The following THSD7B variants were observed in gnomAD, a reference collection of about 807,000 sequenced individuals.
THSD7B encodes the protein thrombospondin type 1 domain containing 7B, also known as thrombospondin type-1 domain-containing protein 7B.
THSD7B carries 138 observed loss-of-function variants against 213.6 expected under a neutral mutation model. The observed-to-expected ratio is 0.65, with a 90% CI of 0.56 to 0.74. The LOEUF is 0.74. THSD7B is among the 30% of genes least tolerant of loss of function. The probability of loss-of-function intolerance (pLI) is 0.00; values close to 1 mark genes in which losing one functional copy is unlikely to be tolerated. For missense variants in THSD7B, 1,931 were observed against 1,991.5 expected, an observed-to-expected ratio of 0.97 and a Z score of 0.58; for synonymous variants, 742 against 687.0, an observed-to-expected ratio of 1.08 and a Z score of -1.25.
chr2:136,888,067 T>C (rs1185837272), intron 2 of THSD7B, among the ~76,000 whole-genome samples: 1 of 152,210 alleles, frequency 6.6e-6, no homozygotes, highest in African/African-American at 2.4e-5. Context: ...TTTTATGTTA[T>C]ACAATTTCTG....
intron 2 of THSD7B, among the ~76,000 whole-genome samples, chr2:136,946,583 G>T (rs903259497): frequency 6.6e-6 from 1 of 152,186 alleles, no homozygotes; most frequent in Non-Finnish European, 1.5e-5. Flanking sequence ...ATGCCCTGCC[G>T]CAAGAGGTGG....
intron 12 of THSD7B, among the ~76,000 whole-genome samples, chr2:137,398,914 G>C (rs1205994944): frequency 6.6e-6 from 1 of 152,218 alleles, no homozygotes; most frequent in Non-Finnish European, 1.5e-5. Flanking sequence ...TCGGGTGGGA[G>C]TGACCCGATT....
At chr2:137,593,089 C>A (rs78916302) in intron 17 of THSD7B, among the ~76,000 whole-genome samples, 94 of 152,038 alleles carry the variant, frequency 6.2e-4, no homozygotes, top group Middle Eastern at 3.4e-3. Flanking sequence ...TGTTGTTGAG[C>A]AGATCAGTAG....
Position 137,383,277 on chromosome 2 carries a change from T to C in THSD7B, c.2501-22336T>C, listed in dbSNP as rs1434680687. Among the ~76,000 whole-genome samples the C allele has an allele frequency of 2.0e-5, 3 of 152,158 alleles. No individual in the cohort carries two copies. In the East Asian group the frequency reaches 5.8e-4, roughly 29 times the overall value. On this transcript the variant is annotated intron_variant, in intron 12 of 27. Coordinates refer to ENST00000409968, the MANE Select transcript of THSD7B (RefSeq NM_001316349.2). ...CTTGGCTTAATGTATAAAGCAACAT[T>C]GGGGTAACATCACCATGGGGTGGTT...
intron 12 of THSD7B, among the ~76,000 whole-genome samples, chr2:137,314,263 T>C (rs938494372): frequency 6.6e-6 from 1 of 152,230 alleles, no homozygotes; most frequent in African/African-American, 2.4e-5. Flanking sequence ...CATTTCATCT[T>C]CCATCACTGA....
At chr2:137,562,691 A>G (rs977144674) in intron 15 of THSD7B, among the ~76,000 whole-genome samples, 3 of 151,906 alleles carry the variant, frequency 2.0e-5, no homozygotes, top group South Asian at 2.1e-4. Context: ...ATGAAGCCAC[A>G]ATACCCAGGA....
At chr2:136,954,830 C>G (rs1685099417) in intron 2 of THSD7B, among the ~76,000 whole-genome samples, 1 of 151,376 alleles carries the variant, frequency 6.6e-6, no homozygotes, top group African/African-American at 2.4e-5. Flanking sequence ...CCTCAGAATT[C>G]AGCCTTCAGT....
At chr2:137,137,939 C>T (rs1183165741) in intron 5 of THSD7B, among the ~76,000 whole-genome samples, 1 of 152,022 alleles carries the variant, frequency 6.6e-6, no homozygotes, top group Non-Finnish European at 1.5e-5. Flanking sequence ...CACTCTGTTG[C>T]TCAGGCTGGA....
intron 12 of THSD7B, among the ~76,000 whole-genome samples, chr2:137,311,553 G>A (rs1301376289): frequency 6.6e-6 from 1 of 152,092 alleles, no homozygotes; most frequent in Non-Finnish European, 1.5e-5. Context: ...TTGAATAGGA[G>A]TGGTGAGAGA....
intron 12 of THSD7B, among the ~76,000 whole-genome samples, chr2:137,353,128 A>G (rs1685050026): frequency 6.6e-6 from 1 of 152,124 alleles, no homozygotes; most frequent in Non-Finnish European, 1.5e-5. Context: ...TAATTGATTC[A>G]GTCAGATTTT....
At chr2:136,862,153 A>C (rs1273779895) in intron 1 of THSD7B, among the ~76,000 whole-genome samples, 1 of 152,206 alleles carries the variant, frequency 6.6e-6, no homozygotes, top group Non-Finnish European at 1.5e-5. Flanking sequence ...ATTTCCCATT[A>C]GGGGTGGGAC....
At chr2:136,899,873 GC>G (rs1165617128) in intron 2 of THSD7B, among the ~76,000 whole-genome samples, 22 of 152,166 alleles carry the variant, frequency 1.4e-4, no homozygotes, top group African/African-American at 5.1e-4. Context: ...TGGATGCTTA[GC>G]TGGCAGGTTC....
At chr2:137,220,211 C>T (rs1681337906) in intron 7 of THSD7B, among the ~76,000 whole-genome samples, 1 of 151,458 alleles carries the variant, frequency 6.6e-6, no homozygotes, top group South Asian at 2.1e-4. Flanking sequence ...AAAATTAAAA[C>T]TTTCTCTGCA....
chr2:137,181,679 G>A (rs534761230), intron 7 of THSD7B, among the ~76,000 whole-genome samples: 41 of 152,058 alleles, frequency 2.7e-4, no homozygotes, highest in Non-Finnish European at 5.1e-4. Context: ...CTTTGGACAG[G>A]ACAATTTTGT....
At chr2:137,277,089 T>C (rs188550062) in intron 12 of THSD7B, among the ~76,000 whole-genome samples, 1 of 152,132 alleles carries the variant, frequency 6.6e-6, no homozygotes, top group African/African-American at 2.4e-5. Context: ...AATATCCAAA[T>C]CACCAATATC....
chr2:137,347,838 T>C (rs1684911545), intron 12 of THSD7B, among the ~76,000 whole-genome samples: 2 of 151,596 alleles, frequency 1.3e-5, no homozygotes, highest in African/African-American at 4.8e-5. Flanking sequence ...AATGTTATAG[T>C]TCCACTAGAA....
At chr2:136,924,731 A>G (rs1245211085) in intron 2 of THSD7B, among the ~76,000 whole-genome samples, 1 of 152,276 alleles carries the variant, frequency 6.6e-6, no homozygotes, top group East Asian at 1.9e-4. Flanking sequence ...TGGAGTTTTC[A>G]TAAGGATTGC....
intron 1 of THSD7B, among the ~76,000 whole-genome samples, chr2:136,877,139 A>G (rs1351268914): frequency 1.3e-5 from 2 of 152,188 alleles, no homozygotes; most frequent in African/African-American, 4.8e-5. Context: ...TCTTGGTCAG[A>G]ACAATTCAGG....
intron 5 of THSD7B, among the ~76,000 whole-genome samples, chr2:137,156,614 C>A (rs1679914135): frequency 6.6e-6 from 1 of 152,158 alleles, no homozygotes; most frequent in Non-Finnish European, 1.5e-5. Flanking sequence ...ACCTCACAAC[C>A]CCCATAATCC....
Sources: allele counts gnomAD v4.1 joint callset (sites outside exome capture counted in the v4.1 genomes callset), GRCh38; gene constraint gnomAD v4.1.1; transcripts MANE v1.5; gene names NCBI Gene and HGNC (gene_info 2026-07-23, HGNC 2026-07-21).